GMDS: variants seen among roughly 807,000 people sequenced by gnomAD.
GMDS encodes GDP-mannose 4,6 dehydratase.
A neutral mutation model predicts 49.9 loss-of-function variants in GMDS; 20 were observed. That is an observed-to-expected ratio of 0.40 (90% CI 0.28 to 0.58). The LOEUF (loss-of-function observed/expected upper bound fraction) is 0.58. GMDS is among the 20% of genes least tolerant of loss of function. The pLI is 0.42. For missense variants in GMDS, 362 were observed against 481.4 expected, an observed-to-expected ratio of 0.75 and a Z score of 2.32; for synonymous variants, 177 against 178.6, an observed-to-expected ratio of 0.99 and a Z score of 0.07.
At chr6:1,930,350 T>C in intron 6 of GMDS, 120 bp from the exon 7 acceptor site, 1 of 668,060 alleles carries the variant, frequency 1.5e-6, no homozygotes, top group South Asian at 2.3e-5. Flanking sequence ...CCAGCCACCC[T>C]GTTAAAACAA....
chr6:1,814,833 G>A (rs965674997), intron 7 of GMDS, among the ~76,000 whole-genome samples: 14 of 151,878 alleles, frequency 9.2e-5, no homozygotes, highest in African/African-American at 3.4e-4. Context: ...TAAACAACTG[G>A]CATTTATTTC....
rs950529424 is a variant in GMDS at position 2,191,797 on chromosome 6, G to T, written c.102+53524C>A. 6.6e-6 allele frequency among the ~76,000 whole-genome samples: 1 copy of T among 152,196 alleles called. No individual in the cohort carries two copies. The highest frequency in any genetic ancestry group is 2.4e-5 in the African/African-American group (1 of 41,448). On this transcript the variant is annotated intron_variant, in intron 1 of 10. Transcript: ENST00000380815. This position sits in a 1 kb window ranked among gnomAD's most constrained non-coding sequence, Gnocchi z 4.6. ...GAGCAGCCTGGGTACCACAGACCAT[G>T]GCAGGAAGCAGACAGGCTCCGGGGT...
chr6:1,962,398 G>A (rs1448487440), intron 4 of GMDS, among the ~76,000 whole-genome samples: 1 of 152,152 alleles, frequency 6.6e-6, no homozygotes, highest in African/African-American at 2.4e-5. Context: ...TTTCACTTTG[G>A]TTGAGTATAT....
intron 4 of GMDS, among the ~76,000 whole-genome samples, chr6:2,075,180 T>C (rs1031115636): frequency 5.3e-5 from 8 of 152,302 alleles, no homozygotes; most frequent in African/African-American, 1.7e-4. Context: ...GAAATGACAT[T>C]GCTATTTTGA....
At chr6:2,013,355 C>A (rs1469442660) in intron 4 of GMDS, among the ~76,000 whole-genome samples, 1 of 152,114 alleles carries the variant, frequency 6.6e-6, no homozygotes, top group African/African-American at 2.4e-5. Context: ...AGCTTACTAT[C>A]TCAGTTCCTA....
chr6:2,092,945 T>C (rs545909880), intron 4 of GMDS, among the ~76,000 whole-genome samples: 2 of 152,286 alleles, frequency 1.3e-5, no homozygotes, highest in East Asian at 3.9e-4. Context: ...TCAAGAAATA[T>C]GAAGGAGTAT....
At chr6:1,777,827 T>C (rs1490686616) in intron 7 of GMDS, among the ~76,000 whole-genome samples, 4 of 152,192 alleles carry the variant, frequency 2.6e-5, no homozygotes, top group African/African-American at 9.7e-5. Context: ...TCACCATGAA[T>C]AACGAACCAG....
rs111851588 is a variant in GMDS at position 2,197,254 on chromosome 6, C to T, written c.102+48067G>A. Among the ~76,000 whole-genome samples, 119 of 152,276 alleles carry T rather than the reference C, an allele frequency of 7.8e-4. 1 individual carries two copies. Among genetic ancestry groups the T allele is most frequent in the Admixed American group, 2.7e-3 (42 of 15,304 alleles). ...GCTTCATGTCCCTGACTCATCCAAG[C>T]GACTCAAGGCCGCCCAGCTCTCCAA... On this transcript the variant is annotated intron_variant, in intron 1 of 10. Transcript: ENST00000380815.
At chr6:1,798,061 A>T (rs1046177381) in intron 7 of GMDS, among the ~76,000 whole-genome samples, 3 of 152,184 alleles carry the variant, frequency 2.0e-5, no homozygotes, top group Non-Finnish European at 4.4e-5. Flanking sequence ...TTCTTGAACA[A>T]AGGAGTCAAA....
chr6:2,190,680 G>C (rs1218332052), intron 1 of GMDS, among the ~76,000 whole-genome samples: 3 of 152,192 alleles, frequency 2.0e-5, no homozygotes, highest in Non-Finnish European at 4.4e-5. Context: ...ACTCTCTTGG[G>C]GAAGGAAACC....
intron 2 of GMDS, among the ~76,000 whole-genome samples, chr6:2,120,359 G>A (rs1160533094): frequency 6.6e-6 from 1 of 151,878 alleles, no homozygotes; most frequent in East Asian, 1.9e-4. Context: ...TTTAATCAAA[G>A]TATAAAGGCT....
At chr6:2,076,541 TG>T (rs1772350806) in intron 4 of GMDS, among the ~76,000 whole-genome samples, 1 of 152,184 alleles carries the variant, frequency 6.6e-6, no homozygotes, top group Non-Finnish European at 1.5e-5. Context: ...CAAAACAGCA[TG>T]GTACTGGTAC....
intron 7 of GMDS, among the ~76,000 whole-genome samples, chr6:1,811,135 T>C (rs1191238973): frequency 6.6e-6 from 1 of 152,228 alleles, no homozygotes; most frequent in African/African-American, 2.4e-5. Context: ...TTCTGATTAC[T>C]TCACTGACCA....
chr6:1,872,225 G>A (rs191163159), intron 7 of GMDS, among the ~76,000 whole-genome samples: 1 of 152,294 alleles, frequency 6.6e-6, no homozygotes, highest in East Asian at 1.9e-4. Flanking sequence ...CACATCCACC[G>A]GGCTGGCTAG....
intron 9 of GMDS, among the ~76,000 whole-genome samples, chr6:1,665,244 C>T (rs1764203000): frequency 6.6e-6 from 1 of 152,194 alleles, no homozygotes; most frequent in Admixed American, 6.5e-5. Flanking sequence ...GCTATCTCTC[C>T]CCCCTCCTGG....
At chr6:1,799,625 G>A (rs138577514) in intron 7 of GMDS, among the ~76,000 whole-genome samples, 1 of 152,184 alleles carries the variant, frequency 6.6e-6, no homozygotes, top group Non-Finnish European at 1.5e-5. Context: ...GGAAGGCAAA[G>A]CAAGGAAATC....
intron 4 of GMDS, among the ~76,000 whole-genome samples, chr6:2,022,667 A>C (rs1030282249): frequency 1.3e-5 from 2 of 152,236 alleles, no homozygotes; most frequent in Non-Finnish European, 2.9e-5. Context: ...TCTAGTGCAC[A>C]GAATTTTAGA....
At chr6:2,211,693 GA>G (rs934455321) in intron 1 of GMDS, among the ~76,000 whole-genome samples, 1 of 151,962 alleles carries the variant, frequency 6.6e-6, no homozygotes, top group Non-Finnish European at 1.5e-5. Flanking sequence ...CGTAAGGCAG[GA>G]AAAAATACGT....
intron 1 of GMDS, among the ~76,000 whole-genome samples, chr6:2,228,766 T>A (rs1302422859): frequency 1.3e-5 from 2 of 152,190 alleles, no homozygotes; most frequent in African/African-American, 4.8e-5. Context: ...AGTACAACTG[T>A]GTAGTGCTGT....
Sources: gnomAD v4.1 joint callset for allele counts (sites outside exome capture counted in the v4.1 genomes callset) on GRCh38, gnomAD v4.1.1 for gene constraint, Gnocchi (gnomAD v3.1) non-coding constraint, MANE v1.5 for transcripts, NCBI Gene and HGNC (gene_info 2026-07-23, HGNC 2026-07-21) for gene names.